Variants in ZPLD1 observed in about 807,000 individuals in gnomAD.
ZPLD1 encodes zona pellucida like domain containing 1.
Under a neutral mutation model 47.2 loss-of-function variants are expected in ZPLD1, and 34 were observed. The observed-to-expected ratio is 0.72, with a 90% CI of 0.55 to 0.96. The LOEUF is 0.96. Among genes scored for constraint, ZPLD1 ranks in the 40% least tolerant of loss-of-function variants. The pLI is 0.00. For synonymous variants in ZPLD1, 176 were observed against 186.2 expected, an observed-to-expected ratio of 0.95 and a Z score of 0.45; for missense variants, 512 against 505.8, an observed-to-expected ratio of 1.01 and a Z score of -0.12.
intron 5 of ZPLD1, among the ~76,000 whole-genome samples, chr3:102,457,289 G>A (rs1004852912): frequency 6.6e-6 from 1 of 152,184 alleles, no homozygotes; most frequent in East Asian, 1.9e-4. Flanking sequence ...CAATATGGGT[G>A]TACAGGGAAG....
intron 6 of ZPLD1, among the ~76,000 whole-genome samples, chr3:102,391,001 T>G (rs544412899): frequency 5.3e-5 from 8 of 152,146 alleles, no homozygotes; most frequent in African/African-American, 1.9e-4. Context: ...AAATTTTTAG[T>G]CTCCTTAGAA....
intron 7 of ZPLD1, among the ~76,000 whole-genome samples, chr3:102,413,004 A>T (rs994756338): frequency 1.3e-5 from 2 of 151,764 alleles, no homozygotes; most frequent in Admixed American, 6.6e-5. Context: ...ACATTTGAAA[A>T]ATTTGAAGCC....
chr3:102,469,905 C>T (rs1410419390), intron 9 of ZPLD1, among the ~76,000 whole-genome samples: 2 of 152,082 alleles, frequency 1.3e-5, no homozygotes, highest in African/African-American at 2.4e-5. Flanking sequence ...AAAATGCATG[C>T]CCTTTTTTAA....
chr3:102,402,572 G>T (rs1182594283), intron 7 of ZPLD1, among the ~76,000 whole-genome samples: 1 of 151,996 alleles, frequency 6.6e-6, no homozygotes, highest in Non-Finnish European at 1.5e-5. Context: ...AAGTAGCTCA[G>T]TCTATTTAAG....
chr3:102,417,967 T>G (rs1048141213), intron 7 of ZPLD1: 2 of 152,278 alleles, frequency 1.3e-5, no homozygotes, highest in South Asian at 4.1e-4. Context: ...TCAGATTTCA[T>G]GGTGGTGATG....
At chr3:102,472,338 C>T (rs1707698009) in intron 10 of ZPLD1, among the ~76,000 whole-genome samples, 1 of 152,032 alleles carries the variant, frequency 6.6e-6, no homozygotes, top group Non-Finnish European at 1.5e-5. Flanking sequence ...TCAAGACCAG[C>T]CTGGCCAACA....
intron 8 of ZPLD1, among the ~76,000 whole-genome samples, chr3:102,424,991 TG>T (rs563569351): frequency 1.3e-5 from 2 of 149,428 alleles, no homozygotes; most frequent in African/African-American, 5.1e-5. Flanking sequence ...GAAAAATAGC[TG>T]GGGTTTTTTT....
intron 7 of ZPLD1, among the ~76,000 whole-genome samples, chr3:102,403,070 A>G (rs758147754): frequency 7.9e-5 from 12 of 151,874 alleles, no homozygotes; most frequent in Admixed American, 2.0e-4. Flanking sequence ...TATTATTTAC[A>G]GTTCTATTTT....
intron 9 of ZPLD1, 21 bp downstream of exon 9, chr3:102,469,156 A>G: frequency 1.3e-6 from 2 of 1,597,012 alleles, no homozygotes; most frequent in Non-Finnish European, 1.7e-6. Flanking sequence ...AAGGAACTTC[A>G]TTTTAAGTTG....
rs189285291 is a variant in ZPLD1, at chr3:102,442,558, C to T, written c.106+3965C>T. ...GCAAATAAAGCCTAAAGATTAATTG[C>T]TTACTGCCCTCTTGACTCTCAGTAT... is the stretch of plus-strand genomic sequence containing the variant. On this transcript the variant is annotated intron_variant, in intron 3 of 11. Coordinates refer to ENST00000466937, the MANE Select transcript of ZPLD1 (RefSeq NM_001329788.2). Among the ~76,000 whole-genome samples, 12 of 152,142 alleles carry T rather than the reference C, an allele frequency of 7.9e-5. No individual in the cohort carries two copies. The East Asian group carries it at 2.3e-3, about 29-fold the overall frequency.
At chr3:102,426,133 C>G (rs1223697585) in intron 8 of ZPLD1, among the ~76,000 whole-genome samples, 1 of 78,840 alleles carries the variant, frequency 1.3e-5, no homozygotes, top group Non-Finnish European at 2.3e-5. Context: ...CACACACATG[C>G]ACACACACAC....
chr3:102,473,025 C>A (rs993725285), intron 10 of ZPLD1, among the ~76,000 whole-genome samples: 15 of 152,136 alleles, frequency 9.9e-5, no homozygotes, highest in African/African-American at 3.1e-4. Flanking sequence ...TGGTGGCAGG[C>A]AAGAGGGCAT....
intron 3 of ZPLD1, among the ~76,000 whole-genome samples, chr3:102,445,988 A>G (rs897241342): frequency 4.6e-5 from 7 of 152,220 alleles, no homozygotes; most frequent in African/African-American, 1.4e-4. Flanking sequence ...AAAACTGAAA[A>G]CAGAGGCATC....
At chr3:102,424,539 C>T (rs931871819) in intron 8 of ZPLD1, among the ~76,000 whole-genome samples, 4 of 152,108 alleles carry the variant, frequency 2.6e-5, no homozygotes, top group African/African-American at 9.7e-5. Context: ...CTTGGAATGC[C>T]AATTTCCTCT....
intron 7 of ZPLD1, among the ~76,000 whole-genome samples, chr3:102,404,184 C>A (rs912181983): frequency 6.6e-6 from 1 of 151,932 alleles, no homozygotes; most frequent in African/African-American, 2.4e-5. Flanking sequence ...TACAATCTCA[C>A]CCACATTTCA....
In ZPLD1 at chr3:102,478,656, C is replaced by A. The variant is rs540038006; in HGVS notation, c.*1038C>A. ...AGAGGGTTTCTTTTTAAGGTATCTT[C>A]TTGTAGGTGTCATAATTGCCATGAA... On this transcript the variant is annotated 3_prime_UTR_variant, in exon 12 of 12. Coordinates refer to ENST00000466937, the MANE Select transcript of ZPLD1 (RefSeq NM_001329788.2). 1 of 152,260 alleles carries A rather than the reference C, an allele frequency of 6.6e-6. No individual in the cohort carries two copies. The highest frequency in any genetic ancestry group is 1.9e-4 in the East Asian group (1 of 5,182). 9.4% of individuals were successfully genotyped at this position (152,260 alleles called of 1,614,324 possible).
chr3:102,443,965 AGAT>A (rs1559753246), intron 3 of ZPLD1, among the ~76,000 whole-genome samples: 1 of 152,250 alleles, frequency 6.6e-6, no homozygotes, highest in Non-Finnish European at 1.5e-5. Context: ...TTACTACAAC[AGAT>A]GAGGCAGAAG....
At chr3:102,422,437 C>T (rs1208322878) in intron 8 of ZPLD1, among the ~76,000 whole-genome samples, 1 of 151,950 alleles carries the variant, frequency 6.6e-6, no homozygotes, top group Non-Finnish European at 1.5e-5. Context: ...AATTATCTGG[C>T]CCAAAACATC....
At chr3:102,389,687 CA>C in intron 6 of ZPLD1, among the ~76,000 whole-genome samples, 1 of 152,056 alleles carries the variant, frequency 6.6e-6, no homozygotes, top group Admixed American at 6.5e-5. Context: ...TAACGTGGTT[CA>C]TTTATATAGC....
Sources: gnomAD v4.1 joint callset for allele counts (sites outside exome capture counted in the v4.1 genomes callset) on GRCh38, gnomAD v4.1.1 for gene constraint, MANE v1.5 for transcripts, NCBI Gene and HGNC (gene_info 2026-07-23, HGNC 2026-07-21) for gene names.